Variants in DYNC1I1 observed in about 807,000 individuals in gnomAD.
The protein encoded by DYNC1I1 is cytoplasmic dynein 1 intermediate chain 1.
Under a neutral mutation model 86.6 loss-of-function variants are expected in DYNC1I1, and 43 were observed. The ratio of observed to expected loss-of-function variants is 0.50; its 90% CI spans 0.39 to 0.64. DYNC1I1 has a LOEUF of 0.64. Among genes scored for constraint, DYNC1I1 ranks in the 30% least tolerant of loss-of-function variants. The probability of loss-of-function intolerance (pLI) is 0.00; values close to 1 mark genes in which losing one functional copy is unlikely to be tolerated. For synonymous variants in DYNC1I1, 262 were observed against 283.7 expected (o/e 0.92, Z 0.77); for missense variants, 604 against 788.8 (o/e 0.77, Z 2.81).
At chr7:95,825,128 G>T (rs575155276) in intron 4 of DYNC1I1, among the ~76,000 whole-genome samples, 2 of 152,312 alleles carry the variant, frequency 1.3e-5, no homozygotes, top group African/African-American at 4.8e-5. Context: ...AGGAGGCAAG[G>T]CTGTTGTGGT....
At position 96,039,537 on chromosome 7, in the gene DYNC1I1, C is replaced by T. The variant is rs892431377; in HGVS notation, c.1509+116C>T. 1.3e-5 allele frequency: 17 copies of T among 1,294,914 alleles called. No individual in the cohort carries two copies. In the African/African-American group the frequency reaches 2.2e-4, roughly 17 times the overall value. The allele number at this position is 1,294,914 out of a possible 1,614,324, so 80.2% of individuals were successfully genotyped here. On this transcript the variant is annotated intron_variant, in intron 14 of 16. Coordinates refer to ENST00000447467, the MANE Select transcript of DYNC1I1 (RefSeq NM_001135556.2). ...TCCAGGCAACCTGGCATTGGGAATT[C>T]ATATACCTTCTGGTGAGCTCAGTCT...
At chr7:95,992,048 C>G (rs781435117) in intron 9 of DYNC1I1, among the ~76,000 whole-genome samples, 1 of 151,916 alleles carries the variant, frequency 6.6e-6, no homozygotes, top group Non-Finnish European at 1.5e-5. Context: ...TTAGTAGAGA[C>G]GGGGTTTCAC....
rs1010112916 is a variant in DYNC1I1, at chr7:96,060,995, A to C, written c.1510-15062A>C. 1.4e-4 allele frequency among the ~76,000 whole-genome samples: 22 copies of C among 152,144 alleles called. 1 individual carries two copies. Among genetic ancestry groups the C allele is most frequent in the African/African-American group, 1.4e-4 (6 of 41,442 alleles). ...ATGAGACATCTCCCTGTGTTCTGTC[A>C]GTGTTTGAGAGGGGATTGTGGGGTG... On this transcript the variant is annotated intron_variant, in intron 14 of 16. Coordinates refer to ENST00000447467, the MANE Select transcript of DYNC1I1 (RefSeq NM_001135556.2).
intron 1 of DYNC1I1, among the ~76,000 whole-genome samples, chr7:95,783,534 G>T (rs1273337929): frequency 2.0e-5 from 3 of 152,190 alleles, no homozygotes; most frequent in Non-Finnish European, 2.9e-5. Flanking sequence ...TATCACATAT[G>T]TTAAAATGGG....
chr7:95,960,030 A>G (rs144663503), intron 6 of DYNC1I1, among the ~76,000 whole-genome samples: 5 of 152,334 alleles, frequency 3.3e-5, no homozygotes, highest in African/African-American at 7.2e-5. Context: ...CAAAGGTTAG[A>G]TCACAGGAGA....
intron 14 of DYNC1I1, 98 bp downstream of exon 14, chr7:96,039,519 AACCT>A: frequency 6.7e-7 from 1 of 1,494,280 alleles, no homozygotes; most frequent in Non-Finnish European, 9.2e-7. Flanking sequence ...TCTTCCAGGC[AACCT>A]GGCATTGGGA....
At chr7:95,808,775 A>G (rs1794760714) in intron 2 of DYNC1I1, among the ~76,000 whole-genome samples, 1 of 152,200 alleles carries the variant, frequency 6.6e-6, no homozygotes, top group African/African-American at 2.4e-5. Flanking sequence ...CTCTCCACCA[A>G]CAGAAATATA....
chr7:95,868,296 G>A (rs572695864), intron 5 of DYNC1I1, among the ~76,000 whole-genome samples: 99 of 152,278 alleles, frequency 6.5e-4, no homozygotes, highest in Middle Eastern at 3.4e-3. Flanking sequence ...GCACATCTTA[G>A]ATCTCATCTC....
intron 6 of DYNC1I1, among the ~76,000 whole-genome samples, chr7:95,938,921 C>T (rs1413514335): frequency 6.6e-6 from 1 of 152,126 alleles, no homozygotes; most frequent in Non-Finnish European, 1.5e-5. Context: ...CCTGCTTTCT[C>T]TTTTGGGCAT....
rs1381436803 is a variant in DYNC1I1, at chr7:96,028,188, C to T, written c.983C>T (p.Ser328Leu). The change falls in exon 11 of 17, where the codon TCG becomes TTG. Residue 328 changes from serine to leucine, a missense_variant. Ser to Leu is a moderately radical substitution (Grantham distance 145, BLOSUM62 -2). Transcript: ENST00000447467. ...TTTCCCTGACAGTCCTCTGTGATGT[C>T]GGTCTGCTTCGCCCGTTTCCATCCT... ...YVFHCQSSVM[S>L]VCFARFHPNL... 4 of 1,613,768 alleles carry T rather than the reference C, an allele frequency of 2.5e-6. No individual in the cohort carries two copies. Among genetic ancestry groups the T allele is most frequent in the African/African-American group, 1.3e-5 (1 of 74,998 alleles).
intron 6 of DYNC1I1, among the ~76,000 whole-genome samples, chr7:95,943,174 G>A (rs1177257224): frequency 6.6e-6 from 1 of 151,212 alleles, no homozygotes; most frequent in East Asian, 2.0e-4. Context: ...CTTCAGCAAA[G>A]TCTCAGGATA....
At chr7:95,920,426 T>A (rs1344071898) in intron 6 of DYNC1I1, among the ~76,000 whole-genome samples, 1 of 152,120 alleles carries the variant, frequency 6.6e-6, no homozygotes. Flanking sequence ...GTACCCTGGA[T>A]AAGATCCTGG....
intron 6 of DYNC1I1, among the ~76,000 whole-genome samples, chr7:95,918,857 G>C (rs568604520): frequency 1.3e-5 from 2 of 152,128 alleles, no homozygotes; most frequent in African/African-American, 4.8e-5. Context: ...TTATCATTTG[G>C]GGAACAACCT....
intron 11 of DYNC1I1, among the ~76,000 whole-genome samples, chr7:96,032,457 C>A (rs145479102): frequency 6.6e-6 from 1 of 152,262 alleles, no homozygotes; most frequent in East Asian, 1.9e-4. Context: ...CAAGGTGAAG[C>A]TTTATAAGTA....
Position 95,793,932 on chromosome 7 carries a change from C to T in DYNC1I1, c.-9-10789C>T, listed in dbSNP as rs1480979788. Among the ~76,000 whole-genome samples, 3 of 152,176 alleles carry T rather than the reference C, an allele frequency of 2.0e-5. No individual in the cohort carries two copies. In the South Asian group the frequency reaches 6.2e-4, roughly 31 times the overall value. On this transcript the variant is annotated intron_variant, in intron 1 of 16. Coordinates refer to ENST00000447467, the MANE Select transcript of DYNC1I1 (RefSeq NM_001135556.2). Reference sequence around the variant, plus strand: ...CTTTCTATGTGCTCCTTGGGAGTGCCGCTTGAGATGGAGCAGCTCCTTTCT... The same window carrying T: ...CTTTCTATGTGCTCCTTGGGAGTGCTGCTTGAGATGGAGCAGCTCCTTTCT...
chr7:95,915,858 A>G (rs1791455023), intron 6 of DYNC1I1, among the ~76,000 whole-genome samples: 1 of 152,228 alleles, frequency 6.6e-6, no homozygotes, highest in African/African-American at 2.4e-5. Flanking sequence ...GGATGTGCCA[A>G]TAAATAGGGT....
intron 10 of DYNC1I1, among the ~76,000 whole-genome samples, chr7:96,008,945 G>C (rs1429147511): frequency 1.3e-5 from 2 of 152,128 alleles, no homozygotes; most frequent in Non-Finnish European, 2.9e-5. Flanking sequence ...AAATATATTT[G>C]AAAGTTAAAT....
chr7:95,789,910 T>C (rs1794248890), intron 1 of DYNC1I1, among the ~76,000 whole-genome samples: 1 of 152,224 alleles, frequency 6.6e-6, no homozygotes, highest in Non-Finnish European at 1.5e-5. Flanking sequence ...CCAAAACAAG[T>C]TTCTTACCAT....
chr7:95,840,311 G>C (rs955348463), intron 5 of DYNC1I1, among the ~76,000 whole-genome samples: 3 of 151,514 alleles, frequency 2.0e-5, no homozygotes, highest in Non-Finnish European at 2.9e-5. Flanking sequence ...CCAGTGAGCT[G>C]TCTTTGACTT....
Sources: allele counts gnomAD v4.1 joint callset (sites outside exome capture counted in the v4.1 genomes callset), GRCh38; gene constraint gnomAD v4.1.1; transcripts MANE v1.5; gene names NCBI Gene and HGNC (gene_info 2026-07-23, HGNC 2026-07-21).